SYNE1: variants seen among roughly 807,000 people sequenced by gnomAD.
SYNE1 encodes nesprin-1.
Under a neutral mutation model 1,111.0 loss-of-function variants are expected in SYNE1, and 616 were observed. That is an observed-to-expected ratio of 0.55 (90% CI 0.52 to 0.59). The LOEUF is 0.59. Ranked by LOEUF, SYNE1 falls within the 20% of genes least tolerant of loss-of-function variation. SYNE1 has a pLI of 0.00. For synonymous variants in SYNE1, 3,855 were observed against 3,825.8 expected (o/e 1.01, Z -0.28); for missense variants, 10,006 against 10,417.0 (o/e 0.96, Z 1.72).
rs146290747 is a variant in SYNE1 at position 152,281,832 on chromosome 6, A to G, written c.18356T>C (p.Met6119Thr). 7 of 1,614,056 alleles carry G rather than the reference A, an allele frequency of 4.3e-6. No homozygotes were observed. The highest frequency in any genetic ancestry group is 5.9e-6 in the Non-Finnish European group (7 of 1,180,022). Reference sequence around the variant, plus strand: ...CTGGCAGTCCATAAGCTGGGCCTCCATGTCCATGGGCTCCTTGGGTGGACT... The same window carrying G: ...CTGGCAGTCCATAAGCTGGGCCTCCGTGTCCATGGGCTCCTTGGGTGGACT... ...ALSPPKEPMDMEAQLMDCQNM... is the reference protein window; with the variant it reads ...ALSPPKEPMDTEAQLMDCQNM... The change falls in exon 97 of 146, where the codon ATG becomes ACG. Residue 6119 changes from methionine to threonine, a missense_variant. Coordinates refer to ENST00000367255, the MANE Select transcript of SYNE1 (RefSeq NM_182961.4).
rs775878412 is a variant in SYNE1 at position 152,395,502 on chromosome 6, T to C, written c.7712+14A>G. The C allele has an allele frequency of 1.2e-6, 2 of 1,612,228 alleles. No individual in the cohort carries two copies. The highest frequency in any genetic ancestry group is 1.1e-5 in the South Asian group (1 of 90,806). ...GGTAAGAGGTAAAGGACCTGTTCCATTTCTGGACCATACCTTGCAGCCAGC... is the reference window on the plus strand; with the variant it reads ...GGTAAGAGGTAAAGGACCTGTTCCACTTCTGGACCATACCTTGCAGCCAGC... On this transcript the variant is annotated intron_variant, in intron 51 of 145. Transcript: ENST00000367255.
Position 152,381,294 on chromosome 6 carries a change from C to T in SYNE1, c.8721G>A (p.Val2907=), listed in dbSNP as rs1413508314. 6.2e-7 allele frequency: 1 copy of T among 1,614,210 alleles called. No homozygotes were observed. The highest frequency in any genetic ancestry group is 8.5e-7 in the Non-Finnish European group (1 of 1,180,052). ...ACCCACTGGCAGTTGTGTTCTGTTT[C>T]ACTTCGGGAGCCAGCGACTCCACTC... is the stretch of plus-strand genomic sequence containing the variant. ...LSRVESLAPE[V]KQNTTASGCE... Residue 2907 remains valine (V), a synonymous_variant, in exon 56 of 146, where the codon GTG becomes GTA. Transcript: ENST00000367255.
In SYNE1 at chr6:152,510,237, A is replaced by G; in HGVS notation, c.537T>C (p.Asn179=). The change falls in exon 8 of 146, where the codon AAT becomes AAC. Residue 179 remains asparagine (N), a synonymous_variant. Transcript: ENST00000367255. ...CCCACTTTAATAAAGCCTTCTTAGC[A>G]TTTCCTTGGATCTTGGTGGTCACCT... ...KRKVTTKIQG[N]AKKALLKWVQ... is the part of the protein sequence containing the mutation. 6.2e-7 allele frequency: 1 copy of G among 1,613,672 alleles called. No individual in the cohort carries two copies. The highest frequency in any genetic ancestry group is 8.5e-7 in the Non-Finnish European group (1 of 1,179,890).
At chr6:152,393,344 A>T (rs1474107511) in intron 51 of SYNE1, among the ~76,000 whole-genome samples, 1 of 152,138 alleles carries the variant, frequency 6.6e-6, no homozygotes, top group East Asian at 1.9e-4. Flanking sequence ...AAAACCATTT[A>T]AAACATCTGG....
At chr6:152,556,123 C>T (rs1394569756) in intron 3 of SYNE1, among the ~76,000 whole-genome samples, 1 of 152,078 alleles carries the variant, frequency 6.6e-6, no homozygotes, top group Non-Finnish European at 1.5e-5. Flanking sequence ...TAGCAGTTTC[C>T]AGTGCTCATT....
chr6:152,231,099 T>C (rs1011750200), intron 114 of SYNE1, among the ~76,000 whole-genome samples: 4 of 152,184 alleles, frequency 2.6e-5, no homozygotes, highest in Non-Finnish European at 5.9e-5. Context: ...AATCAATGAC[T>C]ATTACTGGGA....
intron 3 of SYNE1, among the ~76,000 whole-genome samples, chr6:152,589,196 C>T (rs1405344885): frequency 6.6e-6 from 1 of 152,076 alleles, no homozygotes. Context: ...AGTGAGCCAC[C>T]ATGCCTGGCC....
chr6:152,405,894 T>C (rs1336396558), intron 45 of SYNE1, among the ~76,000 whole-genome samples: 2 of 152,220 alleles, frequency 1.3e-5, no homozygotes, highest in African/African-American at 4.8e-5. Context: ...CATTCATGTA[T>C]ATTTTTCTGG....
chr6:152,296,735 C>A (rs2094898945), intron 93 of SYNE1, among the ~76,000 whole-genome samples: 1 of 152,186 alleles, frequency 6.6e-6, no homozygotes, highest in Non-Finnish European at 1.5e-5. Flanking sequence ...CATTAAAATT[C>A]ACATTCGTAG....
In SYNE1 at chr6:152,353,848, T is replaced by C. The variant is rs923645052; in HGVS notation, c.10927-104A>G. On this transcript the variant is annotated intron_variant, in intron 67 of 145. Transcript: ENST00000367255. ...ATGGTTTCAGTGTAGGTTTAGAAGA[T>C]GTTTATTTTGAGATTTAATTTTGAA... 28 of 1,443,108 alleles carry C rather than the reference T, an allele frequency of 1.9e-5. No individual in the cohort carries two copies. The African/African-American group carries it at 2.5e-4, about 13-fold the overall frequency. The allele number at this position is 1,443,108 out of a possible 1,614,324, so 89.4% of individuals were successfully genotyped here. A position where few individuals can be genotyped will look rare whatever the true frequency, so the allele number is the denominator to read the frequency against.
rs532387179 is a variant in SYNE1 at position 152,143,750 on chromosome 6, A to G, written c.24992T>C (p.Leu8331Pro). Residue 8331 changes from leucine to proline, a missense_variant, in exon 138 of 146, where the codon CTA becomes CCA. Physicochemically the swap from Leu to Pro is moderately conservative, Grantham distance 98 (BLOSUM62 -3). Around this residue, in one of 7 missense-constraint regions of SYNE1, gnomAD observed 761 missense variants for 795.5 expected, o/e 0.96. Coordinates refer to ENST00000367255, the MANE Select transcript of SYNE1 (RefSeq NM_182961.4). ...AVGLSGDHSA[L>P]ESQIRQLGKA... ...GCCCAGTTGTCGGATCTGTGACTCT[A>G]GGGCACTGTGGTCCCCTGCGGTGGC... 1 of 1,614,182 alleles carries G rather than the reference A, an allele frequency of 6.2e-7. No homozygotes were observed.
intron 145 of SYNE1, among the ~76,000 whole-genome samples, chr6:152,123,479 A>G (rs994479667): frequency 1.3e-5 from 2 of 152,196 alleles, no homozygotes; most frequent in African/African-American, 4.8e-5. Context: ...CTTCCTTTTA[A>G]ACAGTGCATT....
intron 61 of SYNE1, chr6:152,368,574 C>T (rs2097124961): frequency 5.3e-6 from 1 of 188,240 alleles, no homozygotes; most frequent in Non-Finnish European, 1.1e-5. Flanking sequence ...CATGTTTTTT[C>T]TAAAGTAATT....
intron 62 of SYNE1, chr6:152,366,948 A>G (rs1481899634): frequency 3.2e-6 from 2 of 628,812 alleles, no homozygotes; most frequent in Non-Finnish European, 6.0e-6. Flanking sequence ...TATGTCTGTG[A>G]TCTCATTTAA....
intron 122 of SYNE1, 111 bp downstream of exon 122, chr6:152,214,795 T>G: frequency 7.0e-7 from 1 of 1,425,818 alleles, no homozygotes; most frequent in Non-Finnish European, 9.8e-7. Context: ...ACTGTGAGAC[T>G]GTTCAACATT....
At chr6:152,289,116 A>T (rs1477176013) in intron 95 of SYNE1, among the ~76,000 whole-genome samples, 1 of 152,112 alleles carries the variant, frequency 6.6e-6, no homozygotes, top group East Asian at 1.9e-4. Context: ...CACCTCAATT[A>T]AAAAAAATTT....
chr6:152,307,502 T>G (rs2095416386), intron 91 of SYNE1, among the ~76,000 whole-genome samples: 1 of 152,142 alleles, frequency 6.6e-6, no homozygotes, highest in African/African-American at 2.4e-5. Context: ...TCCCAGTTAT[T>G]TACCAAAATT....
At chr6:152,401,444 G>C in intron 46 of SYNE1, 103 bp from the exon 47 acceptor site, 1 of 1,160,066 alleles carries the variant, frequency 8.6e-7, no homozygotes, top group Non-Finnish European at 1.3e-6. Context: ...AGCCACACAA[G>C]TCTCATCATG....
rs769033712 is a variant in SYNE1 at position 152,381,069 on chromosome 6, C to T, written c.8946G>A (p.Gln2982=). Residue 2982 remains glutamine, a synonymous_variant, in exon 56 of 146, where the codon CAG becomes CAA. Transcript: ENST00000367255. The part of the protein sequence containing the change: ...FSALLKTWAQ[Q]LTLLEGKNTD... ...TGTTCTTGCCTTCCAGGAGGGTTAACTGCTGAGCCCAGGTTTTCAGAAGGG... is the reference window on the plus strand; with the variant it reads ...TGTTCTTGCCTTCCAGGAGGGTTAATTGCTGAGCCCAGGTTTTCAGAAGGG... 15 of 1,614,040 alleles carry T rather than the reference C, an allele frequency of 9.3e-6. No individual in the cohort carries two copies. In the African/African-American group the frequency reaches 1.2e-4, roughly 13 times the overall value.
Sources: allele counts gnomAD v4.1 joint callset (sites outside exome capture counted in the v4.1 genomes callset), GRCh38; gene constraint gnomAD v4.1.1; regional missense constraint gnomAD v4.1.1; transcripts MANE v1.5; gene names NCBI Gene and HGNC (gene_info 2026-07-23, HGNC 2026-07-21).